RPS6KA5: variants seen among roughly 807,000 people sequenced by gnomAD.
RPS6KA5 encodes the protein ribosomal protein S6 kinase A5.
RPS6KA5 carries 27 observed loss-of-function variants against 85.5 expected under a neutral mutation model. That is an observed-to-expected ratio of 0.32 (90% confidence interval 0.23 to 0.44). RPS6KA5 has a LOEUF of 0.44. Ranked by LOEUF, RPS6KA5 falls within the 20% of genes least tolerant of loss-of-function variation. The probability of loss-of-function intolerance (pLI) is 1.00; values close to 1 mark genes in which losing one functional copy is unlikely to be tolerated. For synonymous variants in RPS6KA5, 334 were observed against 348.2 expected (o/e 0.96, Z 0.46); for missense variants, 811 against 980.9 (o/e 0.83, Z 2.31).
rs997636401 is a variant in RPS6KA5 at position 90,849,139 on chromosome 14, C to G, written c.*22935G>C. ...GGGACTCAGTCGTAACCAGGAGAGC[C>G]CGCGCAGGCACCTTGGTGGTCTGAA... On this transcript the variant is annotated 3_prime_UTR_variant, in exon 17 of 17. Coordinates refer to ENST00000614987, the MANE Select transcript of RPS6KA5 (RefSeq NM_004755.4). 6.6e-6 allele frequency: 1 copy of G among 152,198 alleles called. No individual in the cohort carries two copies. The highest frequency in any genetic ancestry group is 1.5e-5 in the Non-Finnish European group (1 of 68,040). The allele number at this position is 152,198 out of a possible 1,614,324, so 9.4% of individuals were successfully genotyped here.
intron 3 of RPS6KA5, among the ~76,000 whole-genome samples, chr14:90,958,073 A>G (rs1566792288): frequency 6.6e-6 from 1 of 152,142 alleles, no homozygotes; most frequent in Non-Finnish European, 1.5e-5. Context: ...CCAGGAGGTC[A>G]AGGCTGCAGT....
rs1356843621 is a variant in RPS6KA5, at chr14:90,862,873, C to A, written c.*9201G>T. 1 of 141,064 alleles carries A rather than the reference C, an allele frequency of 7.1e-6. No homozygotes were observed. The highest frequency in any genetic ancestry group is 2.7e-5 in the African/African-American group (1 of 36,510). The allele number at this position is 141,064 out of a possible 1,614,324, so 8.7% of individuals were successfully genotyped here. On this transcript the variant is annotated 3_prime_UTR_variant, in exon 17 of 17. Transcript: ENST00000614987. ...ATGAAAATGGAATTTATTCTATTTTCAGCATTTGAAAATTGAAGAATAAAG... is the reference window on the plus strand; with the variant it reads ...ATGAAAATGGAATTTATTCTATTTTAAGCATTTGAAAATTGAAGAATAAAG...
At chr14:91,052,389 ACC>A in intron 1 of RPS6KA5, 1 of 397,330 alleles carries the variant, frequency 2.5e-6, no homozygotes, top group South Asian at 1.8e-5. Context: ...AATCACTTGA[ACC>A]CAGGAGGCGG....
At chr14:90,992,006 A>G (rs2140532249) in intron 2 of RPS6KA5, among the ~76,000 whole-genome samples, 1 of 152,270 alleles carries the variant, frequency 6.6e-6, no homozygotes, top group South Asian at 2.1e-4. Flanking sequence ...AATTCATCAG[A>G]AGAGTTTTCA....
At chr14:90,971,954 A>C (rs1319741191) in intron 3 of RPS6KA5, among the ~76,000 whole-genome samples, 2 of 152,236 alleles carry the variant, frequency 1.3e-5, no homozygotes, top group Admixed American at 1.3e-4. Flanking sequence ...CAGGATATAG[A>C]ACTAATATAT....
rs918101352 is a variant in RPS6KA5, at chr14:90,852,028, G to A, written c.*20046C>T. ...AGTAATAGTCCTAGTATATAAAAACGTGGCATTCATCTACAGCAAAGACAA... is the reference window on the plus strand; with the variant it reads ...AGTAATAGTCCTAGTATATAAAAACATGGCATTCATCTACAGCAAAGACAA... On this transcript the variant is annotated 3_prime_UTR_variant, in exon 17 of 17. Coordinates refer to ENST00000614987, the MANE Select transcript of RPS6KA5 (RefSeq NM_004755.4). The A allele has an allele frequency of 4.6e-5, 7 of 150,746 alleles. No homozygotes were observed. Among genetic ancestry groups the A allele is most frequent in the African/African-American group, 1.7e-4 (7 of 40,950 alleles). The allele number at this position is 150,746 out of a possible 1,614,324, so 9.3% of individuals were successfully genotyped here. A position where few individuals can be genotyped will look rare whatever the true frequency, so the allele number is the denominator to read the frequency against.
intron 3 of RPS6KA5, among the ~76,000 whole-genome samples, chr14:90,963,463 C>G (rs1282775689): frequency 2.0e-5 from 3 of 152,110 alleles, no homozygotes; most frequent in Non-Finnish European, 4.4e-5. Flanking sequence ...TCATGTCACC[C>G]ACTCATTTTA....
rs2032378998 is a variant in RPS6KA5 at position 90,858,246 on chromosome 14, C to G, written c.*13828G>C. The G allele has an allele frequency of 6.6e-6, 1 of 152,044 alleles. No homozygotes were observed. The highest frequency in any genetic ancestry group is 1.5e-5 in the Non-Finnish European group (1 of 68,004). The allele number at this position is 152,044 out of a possible 1,614,324, so 9.4% of individuals were successfully genotyped here. On this transcript the variant is annotated 3_prime_UTR_variant, in exon 17 of 17. Transcript: ENST00000614987. ...TCAATGTGAAAATAAAATATAAAAACTGTTCTTGATGTTATTTCTAAACAG... is the reference window on the plus strand; with the variant it reads ...TCAATGTGAAAATAAAATATAAAAAGTGTTCTTGATGTTATTTCTAAACAG...
rs757103765 is a variant in RPS6KA5 at position 90,851,980 on chromosome 14, T to C, written c.*20094A>G. The stretch of plus-strand genomic sequence containing the variant: ...ACAGAATTTAATATATTCGTTGATC[T>C]AAAGAAATAAACAGTATTATTCAGT... On this transcript the variant is annotated 3_prime_UTR_variant, in exon 17 of 17. Coordinates refer to ENST00000614987, the MANE Select transcript of RPS6KA5 (RefSeq NM_004755.4). 15 of 150,474 alleles carry C rather than the reference T, an allele frequency of 1.0e-4. No homozygotes were observed. The highest frequency in any genetic ancestry group is 1.5e-4 in the Non-Finnish European group (10 of 67,782). 9.3% of individuals were successfully genotyped at this position (150,474 alleles called of 1,614,324 possible). A position where few individuals can be genotyped will look rare whatever the true frequency, so the allele number is the denominator to read the frequency against.
chr14:91,003,084 T>G (rs2040856031), intron 1 of RPS6KA5, among the ~76,000 whole-genome samples: 1 of 152,200 alleles, frequency 6.6e-6, no homozygotes, highest in African/African-American at 2.4e-5. Flanking sequence ...CTTCTAATGT[T>G]AAATTCTATT....
intron 5 of RPS6KA5, among the ~76,000 whole-genome samples, chr14:90,931,582 A>C (rs1322094117): frequency 6.6e-6 from 1 of 152,218 alleles, no homozygotes; most frequent in Non-Finnish European, 1.5e-5. Flanking sequence ...GAAAAGATTT[A>C]GTACATTGGA....
intron 5 of RPS6KA5, among the ~76,000 whole-genome samples, chr14:90,930,213 G>A (rs1339269145): frequency 6.6e-6 from 1 of 152,094 alleles, no homozygotes; most frequent in African/African-American, 2.4e-5. Flanking sequence ...TACAGAGCGA[G>A]GCAAACAGAC....
At position 90,865,543 on chromosome 14, in the gene RPS6KA5, T is replaced by C. The variant is rs1376386156; in HGVS notation, c.*6531A>G. 2 of 152,236 alleles carry C rather than the reference T, an allele frequency of 1.3e-5. No homozygotes were observed. The highest frequency in any genetic ancestry group is 2.9e-5 in the Non-Finnish European group (2 of 68,046). The allele number at this position is 152,236 out of a possible 1,614,324, so 9.4% of individuals were successfully genotyped here. A position where few individuals can be genotyped will look rare whatever the true frequency, so the allele number is the denominator to read the frequency against. ...AATGATGGTTATATGGGCGCATATATATGTAAACATTTATTGAGCTGTATA... is the reference window on the plus strand; with the variant it reads ...AATGATGGTTATATGGGCGCATATACATGTAAACATTTATTGAGCTGTATA... On this transcript the variant is annotated 3_prime_UTR_variant, in exon 17 of 17. Coordinates refer to ENST00000614987, the MANE Select transcript of RPS6KA5 (RefSeq NM_004755.4).
chr14:91,054,038 ACATC>A (rs1468838035), intron 1 of RPS6KA5, among the ~76,000 whole-genome samples: 1 of 152,228 alleles, frequency 6.6e-6, no homozygotes, highest in Non-Finnish European at 1.5e-5. Flanking sequence ...ATAAACCCAT[ACATC>A]TATAGTCAAC....
At chr14:91,059,172 C>T (rs2043488561) in intron 1 of RPS6KA5, among the ~76,000 whole-genome samples, 1 of 150,384 alleles carries the variant, frequency 6.6e-6, no homozygotes, top group Non-Finnish European at 1.5e-5. Context: ...CCCACCCCGC[C>T]CCCACAAAAA....
intron 1 of RPS6KA5, among the ~76,000 whole-genome samples, chr14:91,046,255 A>G (rs7156757): frequency 0.7 from 106,619 of 152,006 alleles, 37,491 homozygotes; most frequent in East Asian, 0.87. Flanking sequence ...CCAGACACAC[A>G]GTAGGAATTC....
At position 90,860,992 on chromosome 14, in the gene RPS6KA5, A is replaced by G. The variant is rs2032518986; in HGVS notation, c.*11082T>C. ...CTGCAACCTCCCTCTTCCGGGTTCA[A>G]GCGTTTCTCCTGCCTCAGCCTCCCA... On this transcript the variant is annotated 3_prime_UTR_variant, in exon 17 of 17. Coordinates refer to ENST00000614987, the MANE Select transcript of RPS6KA5 (RefSeq NM_004755.4). 1 of 151,054 alleles carries G rather than the reference A, an allele frequency of 6.6e-6. No individual in the cohort carries two copies. The highest frequency in any genetic ancestry group is 1.5e-5 in the Non-Finnish European group (1 of 67,944). 9.4% of individuals were successfully genotyped at this position (151,054 alleles called of 1,614,324 possible).
At chr14:90,940,514 T>C (rs2037512513) in intron 5 of RPS6KA5, among the ~76,000 whole-genome samples, 1 of 152,238 alleles carries the variant, frequency 6.6e-6, no homozygotes, top group African/African-American at 2.4e-5. Context: ...CTTTGATTTT[T>C]ATTTGTTTGT....
chr14:90,995,424 A>C (rs537473143), intron 2 of RPS6KA5, among the ~76,000 whole-genome samples: 2 of 152,342 alleles, frequency 1.3e-5, no homozygotes, highest in African/African-American at 4.8e-5. Context: ...ATGCTAAGCC[A>C]GAAAAGTTTC....
Sources: allele counts gnomAD v4.1 joint callset (sites outside exome capture counted in the v4.1 genomes callset), GRCh38; gene constraint gnomAD v4.1.1; transcripts MANE v1.5; gene names NCBI Gene and HGNC (gene_info 2026-07-23, HGNC 2026-07-21).